The following ZMAT4 variants were observed in gnomAD, a reference collection of about 807,000 sequenced individuals.
ZMAT4 encodes zinc finger matrin-type 4, also known as zinc finger matrin-type protein 4.
A neutral mutation model predicts 28.7 loss-of-function variants in ZMAT4; 17 were observed. The ratio of observed to expected loss-of-function variants is 0.59; its 90% CI spans 0.41 to 0.89. The LOEUF (loss-of-function observed/expected upper bound fraction) is 0.89, where lower values mean the gene tolerates loss of function less well. ZMAT4 is among the 40% of genes least tolerant of loss of function. The pLI is 0.00. For missense variants in ZMAT4, 240 were observed against 283.8 expected (o/e 0.85, Z 1.11); for synonymous variants, 117 against 109.2 (o/e 1.07, Z -0.44).
chr8:40,808,260 A>C (rs76487039), intron 2 of ZMAT4, among the ~76,000 whole-genome samples: 1 of 151,642 alleles, frequency 6.6e-6, no homozygotes, highest in Non-Finnish European at 1.5e-5. Context: ...TAAGAAAATA[A>C]TTTTTTTTCT....
chr8:40,828,426 G>A (rs1267434926), intron 1 of ZMAT4, among the ~76,000 whole-genome samples: 1 of 151,922 alleles, frequency 6.6e-6, no homozygotes, highest in African/African-American at 2.4e-5. Flanking sequence ...ACAACCAACT[G>A]CAAAAATCAA....
intron 6 of ZMAT4, among the ~76,000 whole-genome samples, chr8:40,545,635 C>G (rs1245652715): frequency 6.6e-6 from 1 of 152,082 alleles, no homozygotes; most frequent in Non-Finnish European, 1.5e-5. Context: ...GACTGGAGTT[C>G]TGCTGCCACA....
chr8:40,558,170 G>A (rs571398147), intron 6 of ZMAT4, among the ~76,000 whole-genome samples: 3 of 152,284 alleles, frequency 2.0e-5, no homozygotes, highest in African/African-American at 7.2e-5. Flanking sequence ...CCTGAGCCAA[G>A]GCAGGGAGGT....
intron 2 of ZMAT4, among the ~76,000 whole-genome samples, chr8:40,803,470 G>A (rs1456474806): frequency 1.3e-5 from 2 of 152,132 alleles, no homozygotes; most frequent in African/African-American, 4.8e-5. Flanking sequence ...TACACAGGTG[G>A]CAAATAAGCA....
intron 4 of ZMAT4, among the ~76,000 whole-genome samples, chr8:40,693,121 T>G (rs1809726543): frequency 6.6e-6 from 1 of 152,190 alleles, no homozygotes; most frequent in Non-Finnish European, 1.5e-5. Context: ...GGGGTCTTTT[T>G]TCTTGTTTTC....
rs985491568 is a variant in ZMAT4, at chr8:40,625,081, G to A, written c.578-43820C>T. Among the ~76,000 whole-genome samples the A allele has an allele frequency of 6.6e-5, 10 of 152,320 alleles. No homozygotes were observed. In the South Asian group the frequency reaches 2.1e-3, roughly 32 times the overall value. ...ACATTTGAGTTGCAACCTGAACAAT[G>A]AGCGGGTGGTAGCCATATGAAGGCC... On this transcript the variant is annotated intron_variant, in intron 5 of 6. Coordinates refer to ENST00000297737, the MANE Select transcript of ZMAT4 (RefSeq NM_024645.3).
At chr8:40,602,616 A>G (rs1010502771) in intron 5 of ZMAT4, among the ~76,000 whole-genome samples, 2 of 152,110 alleles carry the variant, frequency 1.3e-5, no homozygotes, top group African/African-American at 2.4e-5. Context: ...CATTTCCCTG[A>G]TAATTAGTGA....
At chr8:40,820,695 A>G (rs369880467) in intron 2 of ZMAT4, among the ~76,000 whole-genome samples, 1 of 2,966 alleles carries the variant, frequency 3.4e-4, no homozygotes, top group Non-Finnish European at 6.4e-4. Flanking sequence ...GTGTCTATGT[A>G]TATGTTTATG....
chr8:40,838,238 A>G (rs1016200292), intron 1 of ZMAT4, among the ~76,000 whole-genome samples: 2 of 152,240 alleles, frequency 1.3e-5, no homozygotes, highest in Non-Finnish European at 2.9e-5. Flanking sequence ...GCCAGTTTCC[A>G]GGAAATGAGA....
chr8:40,598,373 C>T (rs1805175105), intron 5 of ZMAT4, among the ~76,000 whole-genome samples: 1 of 152,122 alleles, frequency 6.6e-6, no homozygotes. Context: ...CACCCCCACC[C>T]CCTGACAGGC....
intron 5 of ZMAT4, among the ~76,000 whole-genome samples, chr8:40,664,213 T>G (rs535256760): frequency 3.2e-4 from 48 of 152,306 alleles, no homozygotes; most frequent in Non-Finnish European, 6.2e-4. Flanking sequence ...TTCCTCCAGA[T>G]GCTGCCTTGG....
chr8:40,648,417 G>A lies in ZMAT4; in HGVS notation c.577+26287C>T, dbSNP rs1461469896. On this transcript the variant is annotated intron_variant, in intron 5 of 6. Transcript: ENST00000297737. ...TGAGCAAAGCCTCCAAGAAATATGG[G>A]ACTATGTGAAAAGACCAAATCTACG... Among the ~76,000 whole-genome samples the A allele has an allele frequency of 2.9e-3, 429 of 150,502 alleles. 4 individuals carry two copies. Among genetic ancestry groups the A allele is most frequent in the African/African-American group, 9.9e-3 (404 of 40,992 alleles).
intron 6 of ZMAT4, among the ~76,000 whole-genome samples, chr8:40,570,362 G>A (rs961232086): frequency 2.0e-5 from 3 of 152,132 alleles, no homozygotes; most frequent in Non-Finnish European, 4.4e-5. Flanking sequence ...TGAAATCTGT[G>A]CATAGCACTG....
chr8:40,694,320 G>T (rs1394764042), intron 4 of ZMAT4, among the ~76,000 whole-genome samples: 1 of 152,158 alleles, frequency 6.6e-6, no homozygotes, highest in African/African-American at 2.4e-5. Context: ...TCCTGTACTT[G>T]CAGTAACTTG....
chr8:40,751,009 G>A (rs116708001), intron 3 of ZMAT4, among the ~76,000 whole-genome samples: 6 of 152,316 alleles, frequency 3.9e-5, no homozygotes, highest in African/African-American at 1.4e-4. Flanking sequence ...AGGATGTGGT[G>A]TATAATCTTC....
intron 6 of ZMAT4, among the ~76,000 whole-genome samples, chr8:40,547,719 A>C (rs1411312498): frequency 6.6e-6 from 1 of 152,200 alleles, no homozygotes. Context: ...TGCACCCATC[A>C]ACCTGTCATC....
chr8:40,655,513 A>G (rs1001074975), intron 5 of ZMAT4, among the ~76,000 whole-genome samples: 1 of 152,060 alleles, frequency 6.6e-6, no homozygotes, highest in Non-Finnish European at 1.5e-5. Flanking sequence ...GGAAAAAAAA[A>G]AAGAACAAAA....
In ZMAT4 at chr8:40,563,802, T is replaced by C. The variant is rs1803826009; in HGVS notation, c.674+17363A>G. The stretch of plus-strand genomic sequence containing the variant: ...GATTTATTTGACCACAGTGGCTCTG[T>C]CCTTAAAGGCAGCTGTTCCTTGACT... On this transcript the variant is annotated intron_variant, in intron 6 of 6. Coordinates refer to ENST00000297737, the MANE Select transcript of ZMAT4 (RefSeq NM_024645.3). Among the ~76,000 whole-genome samples the C allele has an allele frequency of 1.3e-5, 2 of 152,072 alleles. 1 individual carries two copies. The highest frequency in any genetic ancestry group is 3.9e-4 in the East Asian group (2 of 5,164).
At chr8:40,652,142 G>C (rs1156680368) in intron 5 of ZMAT4, among the ~76,000 whole-genome samples, 1 of 114,132 alleles carries the variant, frequency 8.8e-6, no homozygotes, top group African/African-American at 2.9e-5. Context: ...AGAGTGAACA[G>C]GCAACCTACA....
Sources: gnomAD v4.1 joint callset for allele counts (sites outside exome capture counted in the v4.1 genomes callset) on GRCh38, gnomAD v4.1.1 for gene constraint, MANE v1.5 for transcripts, NCBI Gene and HGNC (gene_info 2026-07-23, HGNC 2026-07-21) for gene names.